LEMD2: variants seen among roughly 807,000 people sequenced by gnomAD.
LEMD2 encodes LEM domain nuclear envelope protein 2, also known as LEM domain-containing protein 2.
A neutral mutation model predicts 58.8 loss-of-function variants in LEMD2; 34 were observed. The ratio of observed to expected loss-of-function variants is 0.58; its 90% CI spans 0.44 to 0.77. LEMD2 has a LOEUF of 0.77. LEMD2 is among the 30% of genes least tolerant of loss of function. LEMD2 has a pLI of 0.00. For synonymous variants in LEMD2, 298 were observed against 308.9 expected (o/e 0.96, Z 0.37); for missense variants, 629 against 717.9 (o/e 0.88, Z 1.42).
In LEMD2 at chr6:33,788,873, A is replaced by AGGCCGCGGC; in HGVS notation, c.235_243dup (p.Ala79_Ala81dup). 1 of 1,373,712 alleles carries AGGCCGCGGC rather than the reference A, an allele frequency of 7.3e-7. No homozygotes were observed. The highest frequency in any genetic ancestry group is 9.3e-7 in the Non-Finnish European group (1 of 1,072,072). The allele number at this position is 1,373,712 out of a possible 1,614,324, so 85.1% of individuals were successfully genotyped here. On this transcript the variant is annotated inframe_insertion, in exon 1 of 9. Transcript: ENST00000293760. Reference sequence around the variant, plus strand: ...GAGAGCCAGGGCTCCGCCCGCGGAGAGGCCGCGGCGGGCCGGGCGCGCAGC... The same window carrying AGGCCGCGGC: ...GAGAGCCAGGGCTCCGCCCGCGGAGAGGCCGCGGCGGCCGCGGCGGGCCGGGCGCGCAGC...
In LEMD2 at chr6:33,771,698, T is replaced by G. The variant is rs1767296828; in HGVS notation, c.*930A>C. ...CCGGCAGGGGGCAGCCTGCAGCCAC[T>G]GCGCCTCTCCCGCCGCCAAGAGCCG... On this transcript the variant is annotated 3_prime_UTR_variant, in exon 9 of 9. Transcript: ENST00000293760. 6.6e-6 allele frequency: 1 copy of G among 152,228 alleles called. No homozygotes were observed. The highest frequency in any genetic ancestry group is 2.4e-5 in the African/African-American group (1 of 41,474). The allele number at this position is 152,228 out of a possible 1,614,324, so 9.4% of individuals were successfully genotyped here. A position where few individuals can be genotyped will look rare whatever the true frequency, so the allele number is the denominator to read the frequency against.
Position 33,788,483 on chromosome 6 carries a change from G to A in LEMD2, c.634C>T (p.Arg212Trp). The A allele has an allele frequency of 6.4e-7, 1 of 1,552,598 alleles. No homozygotes were observed. The highest frequency in any genetic ancestry group is 1.2e-5 in the South Asian group (1 of 84,534). Residue 212 changes from arginine to tryptophan, a missense_variant, in exon 1 of 9, where the codon CGG becomes TGG. This residue lies in a region of LEMD2 where 386 missense variants were observed against 381.1 expected (regional missense o/e 1.01). Coordinates refer to ENST00000293760, the MANE Select transcript of LEMD2 (RefSeq NM_181336.4). ...CCTAGGCTGGCCCAGAGCAGAAGCC[G>A]AGAGAGCCAGCGCTCCAGCCGGCGC... ...VGRRLERWLSRLLLWASLGLL... is the reference protein window; with the variant it reads ...VGRRLERWLSWLLLWASLGLL...
At position 33,787,964 on chromosome 6, in the gene LEMD2, G is replaced by A. The variant is rs184323929; in HGVS notation, c.736+417C>T. On this transcript the variant is annotated intron_variant, in intron 1 of 8. Transcript: ENST00000293760. Reference sequence around the variant, plus strand: ...ACCCCCAACCAGATCCTATCTGTGGGCCACTGAAATCTGGAGTGCCTTCAA... The same window carrying A: ...ACCCCCAACCAGATCCTATCTGTGGACCACTGAAATCTGGAGTGCCTTCAA... Among the ~76,000 whole-genome samples, 57 of 152,328 alleles carry A rather than the reference G, an allele frequency of 3.7e-4. No homozygotes were observed. The East Asian group carries it at 0.011, about 29-fold the overall frequency.
chr6:33,772,594 A>G lies in LEMD2; in HGVS notation c.*34T>C. ...TGCCTCTGGAGTGGGCTGTCCTGGGACAGGCTGACCGGGAACAAGTCCCCG... is the reference window on the plus strand; with the variant it reads ...TGCCTCTGGAGTGGGCTGTCCTGGGGCAGGCTGACCGGGAACAAGTCCCCG... On this transcript the variant is annotated 3_prime_UTR_variant, in exon 9 of 9. Coordinates refer to ENST00000293760, the MANE Select transcript of LEMD2 (RefSeq NM_181336.4). 6.3e-7 allele frequency: 1 copy of G among 1,599,512 alleles called. No homozygotes were observed. The highest frequency in any genetic ancestry group is 8.5e-7 in the Non-Finnish European group (1 of 1,171,880).
At chr6:33,776,703 TA>T (rs1436005266) in intron 8 of LEMD2, 2 of 524,404 alleles carry the variant, frequency 3.8e-6, no homozygotes, top group Non-Finnish European at 6.9e-6. Flanking sequence ...TCCTAACTGG[TA>T]TCACCACTGC....
intron 3 of LEMD2, 78 bp downstream of exon 3, chr6:33,784,274 G>A: frequency 8.9e-7 from 1 of 1,127,932 alleles, no homozygotes; most frequent in Non-Finnish European, 1.4e-6. Context: ...CAGCAGCAGT[G>A]TAACTAAGCC....
intron 3 of LEMD2, among the ~76,000 whole-genome samples, chr6:33,783,146 TG>T (rs1767601664): frequency 6.6e-6 from 1 of 152,338 alleles, no homozygotes; most frequent in East Asian, 1.9e-4. Flanking sequence ...GCAGATGCTA[TG>T]GGTCCTTGGA....
Position 33,772,541 on chromosome 6 carries a change from C to T in LEMD2, c.*87G>A. ...CTGAAAGTCAAGGCAAGTGTGAATTCAGCACCGCAGGCCTGGTGACCCTCC... is the reference window on the plus strand; with the variant it reads ...CTGAAAGTCAAGGCAAGTGTGAATTTAGCACCGCAGGCCTGGTGACCCTCC... On this transcript the variant is annotated 3_prime_UTR_variant, in exon 9 of 9. Transcript: ENST00000293760. 7.8e-7 allele frequency: 1 copy of T among 1,275,334 alleles called. No individual in the cohort carries two copies. 79.0% of individuals were successfully genotyped at this position (1,275,334 alleles called of 1,614,324 possible). A position where few individuals can be genotyped will look rare whatever the true frequency, so the allele number is the denominator to read the frequency against.
intron 5 of LEMD2, 130 bp downstream of exon 5, chr6:33,779,968 CAT>C (rs1451563993): frequency 2.7e-6 from 2 of 732,974 alleles, no homozygotes; most frequent in Non-Finnish European, 2.3e-6. Context: ...TCCTAACCCA[CAT>C]GATTCTGCTG....
At position 33,778,154 on chromosome 6, in the gene LEMD2, C is replaced by A; in HGVS notation, c.1156+88G>T. On this transcript the variant is annotated intron_variant, in intron 6 of 8. Coordinates refer to ENST00000293760, the MANE Select transcript of LEMD2 (RefSeq NM_181336.4). The surrounding 1 kb of genome is among the most constrained non-coding windows in gnomAD (Gnocchi z 4.7). ...GGTTCACTAGACAGAAATGAACCCT[C>A]CGGGCCTGGAATTTCTATAGCTCAT... is the stretch of plus-strand genomic sequence containing the variant. 1 of 1,338,704 alleles carries A rather than the reference C, an allele frequency of 7.5e-7. No individual in the cohort carries two copies. The highest frequency in any genetic ancestry group is 1.7e-5 in the South Asian group (1 of 58,494). The allele number at this position is 1,338,704 out of a possible 1,614,324, so 82.9% of individuals were successfully genotyped here.
chr6:33,776,209 C>T (rs1388124660), intron 8 of LEMD2, among the ~76,000 whole-genome samples: 3 of 152,208 alleles, frequency 2.0e-5, no homozygotes, highest in Non-Finnish European at 4.4e-5. Context: ...CATGAGTGTA[C>T]GCATGCGTGT....
chr6:33,788,357 C>G, intron 1 of LEMD2, 24 bp downstream of exon 1: 1 of 1,533,904 alleles, frequency 6.5e-7, no homozygotes, highest in Non-Finnish European at 8.8e-7. Context: ...CCAGGGCCCT[C>G]CCCTGCGCCG....
intron 4 of LEMD2, among the ~76,000 whole-genome samples, chr6:33,780,760 T>C (rs550230337): frequency 5.5e-4 from 84 of 152,272 alleles, no homozygotes; most frequent in African/African-American, 1.9e-3. Context: ...AGGGACAGCA[T>C]GTTTCTCCTG....
At chr6:33,781,456 C>T (rs767417188) in intron 3 of LEMD2, 3 of 329,800 alleles carry the variant, frequency 9.1e-6, no homozygotes, top group Non-Finnish European at 1.7e-5. Context: ...CAGATAGCTT[C>T]GGAAGGTACC....
Position 33,772,582 on chromosome 6 carries a change from G to A in LEMD2, c.*46C>T. On this transcript the variant is annotated 3_prime_UTR_variant, in exon 9 of 9. Transcript: ENST00000293760. Reference sequence around the variant, plus strand: ...GTGACCCTCCTGTGCCTCTGGAGTGGGCTGTCCTGGGACAGGCTGACCGGG... The same window carrying A: ...GTGACCCTCCTGTGCCTCTGGAGTGAGCTGTCCTGGGACAGGCTGACCGGG... The A allele has an allele frequency of 6.3e-7, 1 of 1,582,614 alleles. No individual in the cohort carries two copies. The highest frequency in any genetic ancestry group is 1.3e-5 in the African/African-American group (1 of 74,542).
intron 3 of LEMD2, chr6:33,781,438 G>C (rs1767563133): frequency 2.5e-6 from 1 of 400,526 alleles, no homozygotes; most frequent in East Asian, 4.2e-5. Context: ...ATCCCTAAAA[G>C]AATCAGACAG....
chr6:33,780,579 G>A (rs1439193175), intron 4 of LEMD2, among the ~76,000 whole-genome samples: 1 of 143,432 alleles, frequency 7.0e-6, no homozygotes, highest in African/African-American at 2.5e-5. Context: ...CCCTCTCCAG[G>A]CCTCAGTTTC....
In LEMD2 at chr6:33,782,417, T is replaced by C. The variant is rs557142972; in HGVS notation, c.854-1264A>G. On this transcript the variant is annotated intron_variant, in intron 3 of 8. Coordinates refer to ENST00000293760, the MANE Select transcript of LEMD2 (RefSeq NM_181336.4). The stretch of plus-strand genomic sequence containing the variant: ...GTGGCCTGGCATCCAAGGCCATCTA[T>C]GGTAGGGCCCAACCAACACTTCCAA... Among the ~76,000 whole-genome samples, 314 of 152,350 alleles carry C rather than the reference T, an allele frequency of 2.1e-3. 1 individual carries two copies. Among genetic ancestry groups the C allele is most frequent in the African/African-American group, 7.1e-3 (295 of 41,584 alleles).
At chr6:33,785,132 G>A (rs1436909801) in intron 2 of LEMD2, among the ~76,000 whole-genome samples, 1 of 152,000 alleles carries the variant, frequency 6.6e-6, no homozygotes, top group African/African-American at 2.4e-5. Context: ...ACCGAAAAGG[G>A]AAAGAACATG....
Sources: gnomAD v4.1 joint callset for allele counts (sites outside exome capture counted in the v4.1 genomes callset) on GRCh38, gnomAD v4.1.1 for gene constraint, gnomAD v4.1.1 regional missense constraint, Gnocchi (gnomAD v3.1) non-coding constraint, MANE v1.5 for transcripts, NCBI Gene and HGNC (gene_info 2026-07-23, HGNC 2026-07-21) for gene names.